The following HOXC12 variants were observed in gnomAD, a reference collection of about 807,000 sequenced individuals.
The protein encoded by HOXC12 is homeobox protein Hox-C12.
Under a neutral mutation model 20.9 loss-of-function variants are expected in HOXC12, and 24 were observed. That is an observed-to-expected ratio of 1.15 (90% confidence interval 0.83 to 1.61). HOXC12 has a LOEUF of 1.61. HOXC12 is among the 40% of genes most tolerant of loss of function. The probability of loss-of-function intolerance (pLI) is 0.00; values close to 1 mark genes in which losing one functional copy is unlikely to be tolerated. For missense variants in HOXC12, 436 were observed against 406.9 expected (o/e 1.07, Z -0.62); for synonymous variants, 202 against 197.7 (o/e 1.02, Z -0.18).
In HOXC12 at chr12:53,956,738, C is replaced by T. The variant is rs1938874370; in HGVS notation, c.*172C>T. 14 of 520,760 alleles carry T rather than the reference C, an allele frequency of 2.7e-5. 1 individual carries two copies. In the South Asian group the frequency reaches 4.5e-4, roughly 17 times the overall value. 32.3% of individuals were successfully genotyped at this position (520,760 alleles called of 1,614,324 possible). ...GGTTCCCTCCCATACACACCCAAAA[C>T]ACCCTGCCAGGTCCCAGAGAGAAGG... On this transcript the variant is annotated 3_prime_UTR_variant, in exon 2 of 2. Coordinates refer to ENST00000243103, the MANE Select transcript of HOXC12 (RefSeq NM_173860.3).
chr12:53,955,314 C>A lies in HOXC12; in HGVS notation c.385C>A (p.Pro129Thr). 1 of 1,378,586 alleles carries A rather than the reference C, an allele frequency of 7.3e-7. No individual in the cohort carries two copies. The highest frequency in any genetic ancestry group is 1.7e-5 in the South Asian group (1 of 58,190). 85.4% of individuals were successfully genotyped at this position (1,378,586 alleles called of 1,614,324 possible). The stretch of plus-strand genomic sequence containing the variant: ...CGGGGCAGCGCTGCTCCCGCTGGAG[C>A]CGTCGGGGCCGCCTGCGCTCGGCTT... ...GPGAALLPLE[P>T]SGPPALGFKY... Residue 129 changes from proline to threonine, a missense_variant, in exon 1 of 2, where the codon CCG (proline) becomes ACG (threonine). Physicochemically the swap from Pro to Thr is conservative, Grantham distance 38 (BLOSUM62 -1). Transcript: ENST00000243103.
chr12:53,956,483 C>A lies in HOXC12; in HGVS notation c.766C>A (p.Gln256Lys). 1 of 1,614,208 alleles carries A rather than the reference C, an allele frequency of 6.2e-7. No individual in the cohort carries two copies. Among genetic ancestry groups the A allele is most frequent in the Non-Finnish European group, 8.5e-7 (1 of 1,180,034 alleles). ...ELSDRLNLSD[Q>K]QVKIWFQNRR... is the part of the protein sequence containing the mutation. ...CTCAGACCGCTTGAATCTTAGTGAC[C>A]AGCAGGTCAAGATCTGGTTTCAGAA... is the stretch of plus-strand genomic sequence containing the variant. Residue 256 changes from glutamine (Q) to lysine (K), a missense_variant, in exon 2 of 2, where the codon CAG (glutamine) becomes AAG (lysine). Transcript: ENST00000243103.
intron 1 of HOXC12, among the ~76,000 whole-genome samples, chr12:53,955,745 G>A (rs560077457): frequency 2.0e-5 from 3 of 152,252 alleles, no homozygotes; most frequent in African/African-American, 7.2e-5. Flanking sequence ...TCGTCTGCCT[G>A]CGGCTGGAGG....
rs1938870123 is a variant in HOXC12, at chr12:53,956,544, A to T, written c.827A>T (p.Glu276Val). 1.2e-6 allele frequency: 2 copies of T among 1,612,924 alleles called. No individual in the cohort carries two copies. Among genetic ancestry groups the T allele is most frequent in the Non-Finnish European group, 1.7e-6 (2 of 1,179,456 alleles). Reference protein sequence around the residue: ...RMKKKRLLLREQALSFF With the variant: ...RMKKKRLLLRVQALSFF ...AAAAAGAAAAGACTTCTGTTGAGGG[A>T]GCAAGCTCTCTCCTTCTTTTAAGGT... Residue 276 changes from glutamate (E) to valine (V), a missense_variant, in exon 2 of 2, where the codon GAG (glutamate) becomes GTG (valine). Coordinates refer to ENST00000243103, the MANE Select transcript of HOXC12 (RefSeq NM_173860.3).
In HOXC12 at chr12:53,958,264, C is replaced by T. The variant is rs1009280587; in HGVS notation, c.*1698C>T. ...GCTTCTGTACAGGCAGAGGCAAAGG[C>T]AAACACATACACACAGCTGAGCCCA... is the stretch of plus-strand genomic sequence containing the variant. On this transcript the variant is annotated 3_prime_UTR_variant, in exon 2 of 2. Coordinates refer to ENST00000243103, the MANE Select transcript of HOXC12 (RefSeq NM_173860.3). 6.6e-6 allele frequency: 1 copy of T among 152,470 alleles called. No individual in the cohort carries two copies. The highest frequency in any genetic ancestry group is 1.5e-5 in the Non-Finnish European group (1 of 68,220). 9.4% of individuals were successfully genotyped at this position (152,470 alleles called of 1,614,324 possible).
rs1321435097 is a variant in HOXC12, at chr12:53,955,521, G to A, written c.592G>A (p.Gly198Ser). The change falls in exon 1 of 2, where the codon GGC (glycine) becomes AGC (serine). Residue 198 changes from glycine (G) to serine (S), a missense_variant. Transcript: ENST00000243103. The stretch of plus-strand genomic sequence containing the variant: ...CTTGGTATCGCCGTTGAACCCCGGC[G>A]GCGGGCTCTCGGCCAGCGGTAAGGA... ...GSLVSPLNPG[G>S]GLSASGAPWY... 4.1e-6 allele frequency: 6 copies of A among 1,467,184 alleles called. No individual in the cohort carries two copies. The highest frequency in any genetic ancestry group is 1.5e-5 in the African/African-American group (1 of 68,398). The allele number at this position is 1,467,184 out of a possible 1,614,324, so 90.9% of individuals were successfully genotyped here.
chr12:53,956,678 C>A lies in HOXC12; in HGVS notation c.*112C>A. 3 of 774,420 alleles carry A rather than the reference C, an allele frequency of 3.9e-6. No homozygotes were observed. The highest frequency in any genetic ancestry group is 6.4e-6 in the Non-Finnish European group (3 of 465,124). The allele number at this position is 774,420 out of a possible 1,614,324, so 48.0% of individuals were successfully genotyped here. A position where few individuals can be genotyped will look rare whatever the true frequency, so the allele number is the denominator to read the frequency against. On this transcript the variant is annotated 3_prime_UTR_variant, in exon 2 of 2. Coordinates refer to ENST00000243103, the MANE Select transcript of HOXC12 (RefSeq NM_173860.3). ...TAGAACGCCAGGCGTCTCTGGCAGGCCCTCCCTGGATATCCTCTTGTCTGT... is the reference window on the plus strand; with the variant it reads ...TAGAACGCCAGGCGTCTCTGGCAGGACCTCCCTGGATATCCTCTTGTCTGT...
rs779026401 is a variant in HOXC12 at position 53,955,232 on chromosome 12, G to C, written c.303G>C (p.Glu101Asp). Residue 101 changes from glutamate to aspartate, a missense_variant, in exon 1 of 2, where the codon GAG (glutamate) becomes GAC (aspartate). Glu to Asp is a conservative substitution (Grantham distance 45). Transcript: ENST00000243103. Reference protein sequence around the residue: ...GKGYYREPCAEGGGGGLKREE... With the variant: ...GKGYYREPCADGGGGGLKREE... Reference sequence around the variant, plus strand: ...GTTACTACCGCGAGCCGTGCGCCGAGGGTGGCGGCGGGGGCCTGAAGCGTG... The same window carrying C: ...GTTACTACCGCGAGCCGTGCGCCGACGGTGGCGGCGGGGGCCTGAAGCGTG... The C allele has an allele frequency of 6.3e-7, 1 of 1,590,784 alleles. No homozygotes were observed. The highest frequency in any genetic ancestry group is 2.3e-5 in the East Asian group (1 of 43,918).
chr12:53,955,173 A>G lies in HOXC12; in HGVS notation c.244A>G (p.Thr82Ala). 1.2e-6 allele frequency: 2 copies of G among 1,610,876 alleles called. No individual in the cohort carries two copies. The highest frequency in any genetic ancestry group is 1.7e-6 in the Non-Finnish European group (2 of 1,179,092). ...PVSLNPPFGR[T>A]CELARVEDGK... ...GTCTCTCAACCCTCCCTTCGGCCGC[A>G]CGTGCGAGCTGGCGCGCGTGGAGGA... is the stretch of plus-strand genomic sequence containing the variant. The change falls in exon 1 of 2, where the codon ACG becomes GCG. Residue 82 changes from threonine to alanine, a missense_variant. By Grantham distance (58) the Thr-to-Ala change is moderately conservative. Coordinates refer to ENST00000243103, the MANE Select transcript of HOXC12 (RefSeq NM_173860.3).
In HOXC12 at chr12:53,956,716, T is replaced by C. The variant is rs1317294129; in HGVS notation, c.*150T>C. On this transcript the variant is annotated 3_prime_UTR_variant, in exon 2 of 2. Coordinates refer to ENST00000243103, the MANE Select transcript of HOXC12 (RefSeq NM_173860.3). ...TCCTCTTGTCTGTTTTGTTCGTGGTTCCCTCCCATACACACCCAAAACACC... is the reference window on the plus strand; with the variant it reads ...TCCTCTTGTCTGTTTTGTTCGTGGTCCCCTCCCATACACACCCAAAACACC... 4 of 640,194 alleles carry C rather than the reference T, an allele frequency of 6.2e-6. No individual in the cohort carries two copies. Among genetic ancestry groups the C allele is most frequent in the Non-Finnish European group, 1.1e-5 (4 of 365,132 alleles). The allele number at this position is 640,194 out of a possible 1,614,324, so 39.7% of individuals were successfully genotyped here. A position where few individuals can be genotyped will look rare whatever the true frequency, so the allele number is the denominator to read the frequency against.
Position 53,955,682 on chromosome 12 carries a change from G to A in HOXC12, c.610+143G>A, listed in dbSNP as rs564942501. The A allele has an allele frequency of 3.0e-5, 30 of 995,826 alleles. No individual in the cohort carries two copies. In the African/African-American group the frequency reaches 3.4e-4, roughly 11 times the overall value. The allele number at this position is 995,826 out of a possible 1,614,324, so 61.7% of individuals were successfully genotyped here. On this transcript the variant is annotated intron_variant, in intron 1 of 1. Transcript: ENST00000243103. ...TTATAAAATGAAGTGCGGGTGGGGG[G>A]AGCCTATAAACATGTAAACATCCCC...
chr12:53,955,178 C>G lies in HOXC12; in HGVS notation c.249C>G (p.Cys83Trp). 1 of 1,610,656 alleles carries G rather than the reference C, an allele frequency of 6.2e-7. No individual in the cohort carries two copies. Among genetic ancestry groups the G allele is most frequent in the South Asian group, 1.1e-5 (1 of 90,686 alleles). ...TCAACCCTCCCTTCGGCCGCACGTG[C>G]GAGCTGGCGCGCGTGGAGGACGGCA... ...VSLNPPFGRT[C>W]ELARVEDGKG... Residue 83 changes from cysteine to tryptophan, a missense_variant, in exon 1 of 2, where the codon TGC becomes TGG. By Grantham distance (215) the Cys-to-Trp change is radical. Coordinates refer to ENST00000243103, the MANE Select transcript of HOXC12 (RefSeq NM_173860.3).
rs536971776 is a variant in HOXC12 at position 53,957,775 on chromosome 12, T to A, written c.*1209T>A. Reference sequence around the variant, plus strand: ...CTCTTCCTCGCCCGCCCCCCAACATTGCCCTTTGTCTTCAGAAGGGCTGCC... The same window carrying A: ...CTCTTCCTCGCCCGCCCCCCAACATAGCCCTTTGTCTTCAGAAGGGCTGCC... On this transcript the variant is annotated 3_prime_UTR_variant, in exon 2 of 2. Coordinates refer to ENST00000243103, the MANE Select transcript of HOXC12 (RefSeq NM_173860.3). 7 of 152,424 alleles carry A rather than the reference T, an allele frequency of 4.6e-5. No homozygotes were observed. The East Asian group carries it at 1.2e-3, about 25-fold the overall frequency. The allele number at this position is 152,424 out of a possible 1,614,324, so 9.4% of individuals were successfully genotyped here.
Position 53,955,459 on chromosome 12 carries a change from A to G in HOXC12, c.530A>G (p.Glu177Gly). 1 of 1,504,452 alleles carries G rather than the reference A, an allele frequency of 6.6e-7. No individual in the cohort carries two copies. The highest frequency in any genetic ancestry group is 8.8e-7 in the Non-Finnish European group (1 of 1,132,804). The allele number at this position is 1,504,452 out of a possible 1,614,324, so 93.2% of individuals were successfully genotyped here. ...ESDSSSSLLN[E>G]GNKGAGAGDP... ...GACTCCAGTTCGTCCCTGCTCAACG[A>G]GGGCAACAAGGGCGCCGGCGCAGGC... The change falls in exon 1 of 2, where the codon GAG (glutamate) becomes GGG (glycine). Residue 177 changes from glutamate to glycine, a missense_variant. By Grantham distance (98) the Glu-to-Gly change is moderately conservative. Coordinates refer to ENST00000243103, the MANE Select transcript of HOXC12 (RefSeq NM_173860.3).
intron 1 of HOXC12, 99 bp from the exon 2 acceptor site, chr12:53,956,229 C>A: frequency 1.1e-6 from 1 of 920,932 alleles, no homozygotes; most frequent in Non-Finnish European, 1.6e-6. Flanking sequence ...TGGAGTCCAG[C>A]TGTGAGGCGA....
chr12:53,956,796 C>T lies in HOXC12; in HGVS notation c.*230C>T, dbSNP rs750652855. On this transcript the variant is annotated 3_prime_UTR_variant, in exon 2 of 2. Transcript: ENST00000243103. ...CCTAGCCAGGGAGAGCAGAAGCCGG[C>T]AGCTGCCTGCGGTTGGCAGGGGCAG... 7.8e-5 allele frequency: 32 copies of T among 408,678 alleles called. No individual in the cohort carries two copies. Among genetic ancestry groups the T allele is most frequent in the Non-Finnish European group, 1.3e-4 (30 of 232,394 alleles). The allele number at this position is 408,678 out of a possible 1,614,324, so 25.3% of individuals were successfully genotyped here.
In HOXC12 at chr12:53,957,339, T is replaced by G. The variant is rs1222735059; in HGVS notation, c.*773T>G. On this transcript the variant is annotated 3_prime_UTR_variant, in exon 2 of 2. Coordinates refer to ENST00000243103, the MANE Select transcript of HOXC12 (RefSeq NM_173860.3). ...GGCGAATGTCTGTTCATAGGTGTGC[T>G]GCCATCCACTCCTCCGTTGCCTGCG... is the stretch of plus-strand genomic sequence containing the variant. 9 of 152,480 alleles carry G rather than the reference T, an allele frequency of 5.9e-5. No individual in the cohort carries two copies. Among genetic ancestry groups the G allele is most frequent in the African/African-American group, 2.2e-4 (9 of 41,472 alleles). 9.4% of individuals were successfully genotyped at this position (152,480 alleles called of 1,614,324 possible).
Position 53,957,507 on chromosome 12 carries a change from A to G in HOXC12, c.*941A>G, listed in dbSNP as rs944515400. ...TGTAGATGGGGCTACGGAGCACCAC[A>G]CTGATTGGCCGGGAGAATTTCTGAC... On this transcript the variant is annotated 3_prime_UTR_variant, in exon 2 of 2. Coordinates refer to ENST00000243103, the MANE Select transcript of HOXC12 (RefSeq NM_173860.3). 1.3e-5 allele frequency: 2 copies of G among 152,306 alleles called. No homozygotes were observed. Among genetic ancestry groups the G allele is most frequent in the Non-Finnish European group, 2.9e-5 (2 of 68,122 alleles). The allele number at this position is 152,306 out of a possible 1,614,324, so 9.4% of individuals were successfully genotyped here.
chr12:53,956,653 T>A lies in HOXC12; in HGVS notation c.*87T>A. ...CGCCGCCTAGAACACAGTCCCCACT[T>A]AGAACGCCAGGCGTCTCTGGCAGGC... On this transcript the variant is annotated 3_prime_UTR_variant, in exon 2 of 2. Coordinates refer to ENST00000243103, the MANE Select transcript of HOXC12 (RefSeq NM_173860.3). The A allele has an allele frequency of 1.0e-6, 1 of 971,792 alleles. No individual in the cohort carries two copies. The highest frequency in any genetic ancestry group is 1.6e-5 in the South Asian group (1 of 61,588). 60.2% of individuals were successfully genotyped at this position (971,792 alleles called of 1,614,324 possible). A position where few individuals can be genotyped will look rare whatever the true frequency, so the allele number is the denominator to read the frequency against.
Sources: gnomAD v4.1 joint callset for allele counts (sites outside exome capture counted in the v4.1 genomes callset) on GRCh38, gnomAD v4.1.1 for gene constraint, MANE v1.5 for transcripts, NCBI Gene and HGNC (gene_info 2026-07-23, HGNC 2026-07-21) for gene names.